TLE5: variants seen among roughly 807,000 people sequenced by gnomAD.
TLE5 encodes TLE family member 5.
Under a neutral mutation model 25.8 loss-of-function variants are expected in TLE5, and 7 were observed. The observed-to-expected ratio is 0.27, with a 90% CI of 0.15 to 0.51. TLE5 has a LOEUF of 0.51. Among genes scored for constraint, TLE5 ranks in the 20% least tolerant of loss-of-function variants. The pLI is 0.97. For missense variants in TLE5, 149 were observed against 250.7 expected (o/e 0.59, Z 2.74); for synonymous variants, 132 against 110.5 (o/e 1.20, Z -1.22).
At position 3,056,245 on chromosome 19, in the gene TLE5, G is replaced by A. The variant is rs376096556; in HGVS notation, c.234+67C>T. ...CTACCTGCCTGGGGGTGCCCAAGGC[G>A]GGGCTGGAGGTGGGGGGAGGAGGGG... On this transcript the variant is annotated intron_variant, in intron 4 of 6. Transcript: ENST00000327141. The A allele has an allele frequency of 1.6e-5, 19 of 1,225,440 alleles. No individual in the cohort carries two copies. The East Asian group carries it at 2.7e-4, about 17-fold the overall frequency. The allele number at this position is 1,225,440 out of a possible 1,614,324, so 75.9% of individuals were successfully genotyped here. A position where few individuals can be genotyped will look rare whatever the true frequency, so the allele number is the denominator to read the frequency against.
At chr19:3,056,788 C>T (rs2090223252) in intron 3 of TLE5, 1 of 252,202 alleles carries the variant, frequency 4.0e-6, no homozygotes, top group Non-Finnish European at 8.0e-6. Flanking sequence ...GGCTCTGGGG[C>T]CAGCAGCTAC....
Position 3,062,473 on chromosome 19 carries a change from CT to C in TLE5, c.-274del. 1.7e-6 allele frequency: 1 copy of C among 603,814 alleles called. No individual in the cohort carries two copies. Among genetic ancestry groups the C allele is most frequent in the Non-Finnish European group, 2.1e-6 (1 of 487,104 alleles). The allele number at this position is 603,814 out of a possible 1,614,324, so 37.4% of individuals were successfully genotyped here. On this transcript the variant is annotated 5_prime_UTR_variant, in exon 1 of 7. Transcript: ENST00000327141. ...CGCTCCCCGGCCCCACCGCTATTGT[CT>C]AATGGCGGCGACGCCGGCAGTGGCC...
chr19:3,056,272 AAGGAGGAGG>A lies in TLE5; in HGVS notation c.234+31_234+39del, dbSNP rs756419198. The A allele has an allele frequency of 1.6e-3, 1,934 of 1,206,392 alleles. 28 individuals are homozygous for A. In the African/African-American group the frequency reaches 0.027, roughly 17 times the overall value. The allele number at this position is 1,206,392 out of a possible 1,614,324, so 74.7% of individuals were successfully genotyped here. A position where few individuals can be genotyped will look rare whatever the true frequency, so the allele number is the denominator to read the frequency against. On this transcript the variant is annotated intron_variant, in intron 4 of 6. Coordinates refer to ENST00000327141, the MANE Select transcript of TLE5 (RefSeq NM_001130.6). ...GGCTGGAGGTGGGGGGAGGAGGGGG[AAGGAGGAGG>A]AGGAGGAGGAGGAGGAGGAGATGGG...
At chr19:3,061,357 T>C in intron 1 of TLE5, 100 bp from the exon 2 acceptor site, 1 of 851,070 alleles carries the variant, frequency 1.2e-6, no homozygotes, top group Non-Finnish European at 1.9e-6. Flanking sequence ...GCGCCCCCCC[T>C]CCTGCCCCAC....
intron 2 of TLE5, among the ~76,000 whole-genome samples, chr19:3,059,945 G>A (rs1212892347): frequency 2.0e-5 from 3 of 152,190 alleles, no homozygotes; most frequent in Admixed American, 1.3e-4. Context: ...ACGACAGGAA[G>A]GATGAAGCAC....
chr19:3,054,497 C>A, intron 5 of TLE5: 1 of 517,932 alleles, frequency 1.9e-6, no homozygotes, highest in Non-Finnish European at 3.5e-6. Context: ...ACCCTGGATC[C>A]TGACCTATCC....
At chr19:3,054,807 C>T (rs756131911) in intron 5 of TLE5, 17 of 155,388 alleles carry the variant, frequency 1.1e-4, no homozygotes, top group Non-Finnish European at 1.7e-4. Flanking sequence ...TACCAGGAAG[C>T]CTCTGTTCTG....
chr19:3,056,896 G>C (rs954575805), intron 3 of TLE5: 3 of 203,904 alleles, frequency 1.5e-5, no homozygotes, highest in South Asian at 5.7e-5. Flanking sequence ...TTCATTCCCA[G>C]GCCTTCACGT....
chr19:3,060,097 C>T (rs1278395731), intron 2 of TLE5, among the ~76,000 whole-genome samples: 1 of 151,968 alleles, frequency 6.6e-6, no homozygotes. Context: ...GGTGGGCACG[C>T]TTCAGTTTAG....
chr19:3,054,404 G>A, intron 5 of TLE5: 1 of 597,868 alleles, frequency 1.7e-6, no homozygotes, highest in Non-Finnish European at 3.0e-6. Flanking sequence ...GGCCAACAGA[G>A]ACAAATGGAA....
intron 2 of TLE5, 52 bp from the exon 3 acceptor site, chr19:3,057,794 C>A (rs761184364): frequency 3.4e-5 from 53 of 1,551,140 alleles, no homozygotes; most frequent in Non-Finnish European, 4.5e-5. Flanking sequence ...TGGGCGGGAG[C>A]CCCCCACCCT....
chr19:3,057,191 C>T (rs772536415), intron 3 of TLE5, among the ~76,000 whole-genome samples: 2 of 152,210 alleles, frequency 1.3e-5, no homozygotes, highest in Non-Finnish European at 2.9e-5. Context: ...GTTACAAAAC[C>T]GAGCAAGTGG....
At chr19:3,056,270 G>GGAAGGA (rs1484391413) in intron 4 of TLE5, 42 bp downstream of exon 4, 1 of 1,409,254 alleles carries the variant, frequency 7.1e-7, no homozygotes, top group Non-Finnish European at 9.6e-7. Context: ...GGGAGGAGGG[G>GGAAGGA]GAAGGAGGAG....
At chr19:3,058,524 G>A (rs1290819054) in intron 2 of TLE5, among the ~76,000 whole-genome samples, 2 of 152,182 alleles carry the variant, frequency 1.3e-5, no homozygotes, top group Admixed American at 1.3e-4. Flanking sequence ...TGGGGGGCCT[G>A]GACTTCCCAG....
intron 2 of TLE5, among the ~76,000 whole-genome samples, 197 bp from the exon 3 acceptor site, chr19:3,057,939 A>G (rs1325836637): frequency 1.3e-5 from 2 of 152,028 alleles, no homozygotes; most frequent in African/African-American, 4.8e-5. Context: ...GCTGGTCTCA[A>G]AAACTCCTGG....
At position 3,062,295 on chromosome 19, in the gene TLE5, C is replaced by A. The variant is rs1445940093; in HGVS notation, c.-95G>T. The A allele has an allele frequency of 1.0e-6, 1 of 987,560 alleles. No homozygotes were observed. Among genetic ancestry groups the A allele is most frequent in the Non-Finnish European group, 1.2e-6 (1 of 832,880 alleles). 61.2% of individuals were successfully genotyped at this position (987,560 alleles called of 1,614,324 possible). A position where few individuals can be genotyped will look rare whatever the true frequency, so the allele number is the denominator to read the frequency against. ...GGCGGCCGCGCCTTTGTCCCGGCGC[C>A]GATCGGCAGCTCCCGGGGCCGCCGC... On this transcript the variant is annotated 5_prime_UTR_variant, in exon 1 of 7. Transcript: ENST00000327141.
Position 3,054,051 on chromosome 19 carries a change from G to C in TLE5, c.373-11C>G. The C allele has an allele frequency of 6.3e-7, 1 of 1,576,206 alleles. No homozygotes were observed. Among genetic ancestry groups the C allele is most frequent in the Non-Finnish European group, 8.6e-7 (1 of 1,162,582 alleles). On this transcript the variant is annotated splice_polypyrimidine_tract_variant and intron_variant, in intron 6 of 6. Transcript: ENST00000327141. ...GGCTTGGAGCTGCTGCTGCAGGGCG[G>C]GGGAGGGGAACATTAGCTGCCTGGG...
intron 5 of TLE5, chr19:3,055,345 G>A (rs2090207945): frequency 4.7e-6 from 1 of 211,200 alleles, no homozygotes; most frequent in Non-Finnish European, 9.4e-6. Context: ...GAGGGTGAAA[G>A]GAGGAAGAGA....
chr19:3,062,110 C>A, intron 1 of TLE5, 64 bp downstream of exon 1: 1 of 642,140 alleles, frequency 1.6e-6, no homozygotes, highest in Non-Finnish European at 1.7e-6. Flanking sequence ...GGCCGGGAGC[C>A]GGGGGTCGGG....
Sources: gnomAD v4.1 joint callset for allele counts (sites outside exome capture counted in the v4.1 genomes callset) on GRCh38, gnomAD v4.1.1 for gene constraint, MANE v1.5 for transcripts, NCBI Gene and HGNC (gene_info 2026-07-23, HGNC 2026-07-21) for gene names.